The following METTL6 variants were observed in gnomAD, a reference collection of about 807,000 sequenced individuals.
METTL6 encodes methyltransferase 6, tRNA N3-cytidine.
In METTL6, 22 loss-of-function variants were observed where a neutral mutation model predicts 26.4. The observed-to-expected ratio is 0.83, with a 90% CI of 0.59 to 1.19. METTL6 has a LOEUF of 1.19. METTL6 is among the 50% of genes most tolerant of loss of function. The probability of loss-of-function intolerance (pLI) is 0.00; values close to 1 mark genes in which losing one functional copy is unlikely to be tolerated. For synonymous variants in METTL6, 109 were observed against 116.2 expected (o/e 0.94, Z 0.40); for missense variants, 304 against 324.8 (o/e 0.94, Z 0.49).
chr3:15,420,875 G>A (rs79898372), intron 3 of METTL6, among the ~76,000 whole-genome samples: 10,824 of 152,258 alleles, frequency 0.071, 495 homozygotes, highest in African/African-American at 0.12. Flanking sequence ...TGACAGGTGG[G>A]AAGGGTTCTA....
intron 5 of METTL6, 57 bp from the exon 6 acceptor site, chr3:15,411,494 C>A: frequency 6.5e-7 from 1 of 1,545,956 alleles, no homozygotes; most frequent in Non-Finnish European, 8.8e-7. Flanking sequence ...ATTTGCTTTG[C>A]AGTCCTTGAG....
downstream of METTL6, among the ~76,000 whole-genome samples, chr3:15,407,013 T>C (rs907349543): frequency 2.6e-5 from 4 of 151,796 alleles, no homozygotes; most frequent in African/African-American, 9.7e-5. Flanking sequence ...GCTTTAAATA[T>C]TGTTTTTATT....
chr3:15,411,740 G>A (rs1699972905), intron 5 of METTL6, among the ~76,000 whole-genome samples: 1 of 151,162 alleles, frequency 6.6e-6, no homozygotes, highest in South Asian at 2.1e-4. Context: ...TTCCAAATTG[G>A]TTATATTCCT....
At chr3:15,406,606 AT>A (rs1376024533), downstream of METTL6, among the ~76,000 whole-genome samples, 1 of 67,554 alleles carries the variant, frequency 1.5e-5, no homozygotes, top group Non-Finnish European at 2.9e-5. Context: ...ATATATATAT[AT>A]ATATATATAT....
At chr3:15,385,947 T>C (rs796611082) in intron 6 of METTL6, among the ~76,000 whole-genome samples, 2 of 152,172 alleles carry the variant, frequency 1.3e-5, no homozygotes, top group African/African-American at 2.4e-5. Context: ...TCTTGGACCT[T>C]GCACGAGAAA....
At chr3:15,404,510 T>A (rs563304263) in intron 6 of METTL6, among the ~76,000 whole-genome samples, 792 of 11,392 alleles carry the variant, frequency 0.07, 9 homozygotes, top group African/African-American at 0.1. Flanking sequence ...GCCCAGCTAA[T>A]TTTTTTTTTT....
chr3:15,408,637 G>A (rs1051967145), downstream of METTL6, among the ~76,000 whole-genome samples: 5 of 141,270 alleles, frequency 3.5e-5, no homozygotes, highest in African/African-American at 1.3e-4. Context: ...TGTGATAATG[G>A]CTCACTCCAT....
Position 15,404,509 on chromosome 3 carries a change from A to ATTT in METTL6, c.*11+6733_*11+6735dup, listed in dbSNP as rs34073251. 5.3e-5 allele frequency among the ~76,000 whole-genome samples: 7 copies of ATTT among 133,276 alleles called. No individual in the cohort carries two copies. In the East Asian group the frequency reaches 1.1e-3, roughly 21 times the overall value. 87.4% of individuals were successfully genotyped at this position (133,276 alleles called of 152,430 possible). On this transcript the variant is annotated intron_variant, in intron 6 of 6. Coordinates refer to the METTL6 transcript ENST00000443029. ...AGATGCGCACCATCATGCCCAGCTAATTTTTTTTTTTTTTTTTTTTAAGTA... is the reference window on the plus strand; with the variant it reads ...AGATGCGCACCATCATGCCCAGCTAATTTTTTTTTTTTTTTTTTTTTTTAAGTA...
At chr3:15,415,637 T>G (rs868847669) in intron 4 of METTL6, 135 bp downstream of exon 4, 2 of 1,604,272 alleles carry the variant, frequency 1.2e-6, no homozygotes, top group Non-Finnish European at 1.7e-6. Flanking sequence ...CCCCTTTCTA[T>G]ACACTCACTA....
intron 6 of METTL6, among the ~76,000 whole-genome samples, chr3:15,393,243 A>G (rs374158362): frequency 1.2e-4 from 18 of 152,130 alleles, no homozygotes; most frequent in African/African-American, 3.1e-4. Context: ...TAGGTATTTC[A>G]TTCTCTTTGA....
intron 6 of METTL6, among the ~76,000 whole-genome samples, chr3:15,391,591 G>A (rs967267391): frequency 5.9e-5 from 9 of 151,726 alleles, no homozygotes; most frequent in Admixed American, 1.3e-4. Flanking sequence ...TTGGTGTGTC[G>A]CACCCAATAA....
chr3:15,401,837 T>C (rs934787016), intron 6 of METTL6, among the ~76,000 whole-genome samples: 5 of 152,238 alleles, frequency 3.3e-5, no homozygotes, highest in African/African-American at 1.2e-4. Context: ...AGAACGTTCA[T>C]GAATAACCTA....
At chr3:15,411,597 CCTT>C (rs1444829892) in intron 5 of METTL6, among the ~76,000 whole-genome samples, 160 bp from the exon 6 acceptor site, 2 of 152,108 alleles carry the variant, frequency 1.3e-5, no homozygotes, top group Non-Finnish European at 2.9e-5. Context: ...CTAATACACT[CCTT>C]CTCCTCTTCT....
chr3:15,404,357 T>C (rs1446799047), intron 6 of METTL6, among the ~76,000 whole-genome samples: 1 of 152,124 alleles, frequency 6.6e-6, no homozygotes, highest in Non-Finnish European at 1.5e-5. Flanking sequence ...TACTTATTTA[T>C]TTGAGACGGA....
At chr3:15,406,271 C>G (rs1306220981), downstream of METTL6, among the ~76,000 whole-genome samples, 2 of 151,922 alleles carry the variant, frequency 1.3e-5, no homozygotes, top group African/African-American at 4.8e-5. Flanking sequence ...CATGGTCTTG[C>G]TTTCCTAGTC....
At chr3:15,402,212 G>T (rs938484661) in intron 6 of METTL6, among the ~76,000 whole-genome samples, 1 of 152,178 alleles carries the variant, frequency 6.6e-6, no homozygotes, top group African/African-American at 2.4e-5. Flanking sequence ...TTTCATTCAC[G>T]GCTGAATGAG....
chr3:15,411,450 C>T lies in METTL6; in HGVS notation c.674-13G>A, dbSNP rs1314532170. 1.9e-6 allele frequency: 3 copies of T among 1,611,672 alleles called. No individual in the cohort carries two copies. The highest frequency in any genetic ancestry group is 1.3e-5 in the African/African-American group (1 of 74,830). On this transcript the variant is annotated splice_polypyrimidine_tract_variant and intron_variant, in intron 5 of 5. Transcript: ENST00000383790. ...TGAGCCAGGAAGTCTGTAAGACAAG[C>T]ATCAACAATGCTCAACAGTCTTCAT...
rs1191218624 is a variant in METTL6, at chr3:15,410,138, AAC to A, written c.*1116_*1117del. ...CTTGAAATTTTATTTACATGTCTCT[AAC>A]ACACACACATACACTTCCTATTTTT... On this transcript the variant is annotated 3_prime_UTR_variant, in exon 6 of 6. Coordinates refer to ENST00000383790, the MANE Select transcript of METTL6 (RefSeq NM_152396.4). 6.6e-6 allele frequency among the ~76,000 whole-genome samples: 1 copy of A among 152,102 alleles called. No individual in the cohort carries two copies. Among genetic ancestry groups the A allele is most frequent in the Non-Finnish European group, 1.5e-5 (1 of 68,020 alleles).
At chr3:15,426,684 C>T (rs2061732708) in intron 1 of METTL6, 49 bp from the exon 2 acceptor site, 2 of 628,714 alleles carry the variant, frequency 3.2e-6, no homozygotes, top group African/African-American at 3.7e-5. Flanking sequence ...CAGTTCAAGA[C>T]GCCAGGTTCA....
Sources: allele counts gnomAD v4.1 joint callset (sites outside exome capture counted in the v4.1 genomes callset), GRCh38; gene constraint gnomAD v4.1.1; transcripts MANE v1.5; gene names NCBI Gene and HGNC (gene_info 2026-07-23, HGNC 2026-07-21).